Variants in CSMD1 observed in about 807,000 individuals in gnomAD.
CSMD1 encodes CUB and sushi domain-containing protein 1.
A neutral mutation model predicts 417.5 loss-of-function variants in CSMD1; 213 were observed. That is an observed-to-expected ratio of 0.51 (90% CI 0.46 to 0.57). CSMD1 has a LOEUF of 0.57. Ranked by LOEUF, CSMD1 falls within the 20% of genes least tolerant of loss-of-function variation. CSMD1 has a pLI of 0.00. For synonymous variants in CSMD1, 2,862 were observed against 1,736.8 expected, an observed-to-expected ratio of 1.65 and a Z score of -16.11; for missense variants, 6,923 against 4,529.7, an observed-to-expected ratio of 1.53 and a Z score of -15.17.
chr8:4,269,645 C>A (rs930401940), intron 3 of CSMD1, among the ~76,000 whole-genome samples: 4 of 152,118 alleles, frequency 2.6e-5, no homozygotes, highest in Non-Finnish European at 5.9e-5. Context: ...TCACACATGA[C>A]TTTATCAGGT....
In CSMD1 at chr8:4,296,696, G is replaced by GTTTTTT. The variant is rs371696159; in HGVS notation, c.415+123251_415+123256dup. On this transcript the variant is annotated intron_variant, in intron 3 of 69. Coordinates refer to ENST00000635120, the MANE Select transcript of CSMD1 (RefSeq NM_033225.6). The stretch of plus-strand genomic sequence containing the variant: ...GGTCCCTGAAAACACGAAAATAAGG[G>GTTTTTT]TTTTTTTTTTTTTTTTTTTCTCCAG... Among the ~76,000 whole-genome samples the GTTTTTT allele has an allele frequency of 3.5e-3, 401 of 114,836 alleles. 7 individuals are homozygous for GTTTTTT. The highest frequency in any genetic ancestry group is 0.014 in the South Asian group (46 of 3,226). The allele number at this position is 114,836 out of a possible 152,430, so 75.3% of individuals were successfully genotyped here.
At chr8:4,570,692 T>C (rs996736613) in intron 2 of CSMD1, among the ~76,000 whole-genome samples, 1 of 152,206 alleles carries the variant, frequency 6.6e-6, no homozygotes, top group Non-Finnish European at 1.5e-5. Flanking sequence ...CTTTTTCTAC[T>C]GTTTGGAATA....
chr8:3,303,515 C>A (rs1156680019), intron 25 of CSMD1, among the ~76,000 whole-genome samples: 1 of 152,164 alleles, frequency 6.6e-6, no homozygotes, highest in Non-Finnish European at 1.5e-5. Context: ...ACTGTGCGAG[C>A]TTATTAAAAA....
At chr8:4,896,264 T>A (rs1297413108) in intron 1 of CSMD1, among the ~76,000 whole-genome samples, 1 of 152,172 alleles carries the variant, frequency 6.6e-6, no homozygotes, top group Non-Finnish European at 1.5e-5. Flanking sequence ...CGTCTCTATA[T>A]GCTTTTCCCT....
At chr8:4,251,911 A>C (rs1803108949) in intron 3 of CSMD1, among the ~76,000 whole-genome samples, 1 of 150,846 alleles carries the variant, frequency 6.6e-6, no homozygotes, top group African/African-American at 2.4e-5. Context: ...AGGGGAGGAT[A>C]ATGTGGGAAT....
intron 3 of CSMD1, among the ~76,000 whole-genome samples, chr8:4,294,694 A>G (rs1411574975): frequency 2.0e-5 from 3 of 152,098 alleles, no homozygotes; most frequent in East Asian, 3.9e-4. Context: ...TAAGATGACC[A>G]TCTATTTTAG....
chr8:3,358,343 C>A (rs1400266418), intron 21 of CSMD1, among the ~76,000 whole-genome samples: 2 of 152,168 alleles, frequency 1.3e-5, no homozygotes, highest in East Asian at 3.8e-4. Context: ...TTGTAAGACC[C>A]AGAATATGCT....
At chr8:4,985,645 A>G (rs1193919348) in intron 1 of CSMD1, among the ~76,000 whole-genome samples, 1 of 152,210 alleles carries the variant, frequency 6.6e-6, no homozygotes, top group Non-Finnish European at 1.5e-5. Context: ...AATTCCACCT[A>G]ACAGTAACAA....
chr8:3,875,353 A>C (rs950737649), intron 5 of CSMD1, among the ~76,000 whole-genome samples: 1 of 152,210 alleles, frequency 6.6e-6, no homozygotes, highest in Admixed American at 6.5e-5. Flanking sequence ...AGATACTAAG[A>C]AGGACAGTGA....
intron 36 of CSMD1, among the ~76,000 whole-genome samples, chr8:3,181,623 C>T (rs1337749371): frequency 2.6e-5 from 4 of 152,184 alleles, no homozygotes; most frequent in Admixed American, 6.5e-5. Context: ...AGTGATCTGA[C>T]ATATCCTTCA....
At chr8:4,791,694 T>C (rs1447974797) in intron 1 of CSMD1, among the ~76,000 whole-genome samples, 2 of 152,180 alleles carry the variant, frequency 1.3e-5, no homozygotes, top group Non-Finnish European at 2.9e-5. Flanking sequence ...GGCCAGGATC[T>C]GGTACCATTG....
chr8:3,022,405 G>A (rs531242827), intron 51 of CSMD1, among the ~76,000 whole-genome samples: 2 of 143,664 alleles, frequency 1.4e-5, no homozygotes, highest in Admixed American at 7.0e-5. Context: ...CGGAATGCAC[G>A]TGCAATCCCA....
At chr8:4,764,270 T>C (rs1208509570) in intron 1 of CSMD1, among the ~76,000 whole-genome samples, 1 of 152,192 alleles carries the variant, frequency 6.6e-6, no homozygotes. Context: ...TTCTCTATAA[T>C]ATTGGGGGTA....
chr8:3,809,765 A>C (rs148849430), intron 5 of CSMD1, among the ~76,000 whole-genome samples: 1 of 152,174 alleles, frequency 6.6e-6, no homozygotes, highest in African/African-American at 2.4e-5. Flanking sequence ...AGACAACAGG[A>C]AAGTATTAGA....
chr8:3,363,388 G>A (rs554858119), intron 20 of CSMD1, among the ~76,000 whole-genome samples: 2 of 152,220 alleles, frequency 1.3e-5, no homozygotes, highest in African/African-American at 4.8e-5. Flanking sequence ...TCATGGAAAC[G>A]TTTTTCTCCT....
rs775280455 is a variant in CSMD1, at chr8:3,223,818, G to A, written c.4395C>T (p.Pro1465=). ...CAGGAGGATACGGCTGTGGGTAGTT[G>A]GGTGACAAAATAACACCTGCTGGGC... is the stretch of plus-strand genomic sequence containing the variant. The part of the protein sequence containing the change: ...LTGPAGVILS[P]NYPQPYPPGK... The change falls in exon 28 of 70, where the codon CCC becomes CCT. Residue 1465 remains proline (P), a synonymous_variant. Transcript: ENST00000635120. The A allele has an allele frequency of 5.6e-6, 9 of 1,613,708 alleles. No homozygotes were observed. In the Admixed American group the frequency reaches 6.7e-5, roughly 12 times the overall value.
chr8:4,219,751 T>C (rs1182115565), intron 3 of CSMD1, among the ~76,000 whole-genome samples: 1 of 152,152 alleles, frequency 6.6e-6, no homozygotes, highest in African/African-American at 2.4e-5. Context: ...AATGACTTCT[T>C]TTCCTGAAAA....
intron 5 of CSMD1, among the ~76,000 whole-genome samples, chr8:3,777,932 G>C (rs13439265): frequency 1.8e-4 from 20 of 110,828 alleles, no homozygotes; most frequent in Admixed American, 5.5e-4. Flanking sequence ...CTCCTTGAAG[G>C]GCAGAGTCTC....
rs948751647 is a variant in CSMD1 at position 3,714,106 on chromosome 8, G to A, written c.932-5615C>T. 3.3e-5 allele frequency among the ~76,000 whole-genome samples: 5 copies of A among 150,152 alleles called. No individual in the cohort carries two copies. The South Asian group carries it at 1.0e-3, about 32-fold the overall frequency. Reference sequence around the variant, plus strand: ...TATATAATCATGTATATATATAAATGTATAAAATATAAGTATATAACATAT... The same window carrying A: ...TATATAATCATGTATATATATAAATATATAAAATATAAGTATATAACATAT... On this transcript the variant is annotated intron_variant, in intron 6 of 69. Coordinates refer to ENST00000635120, the MANE Select transcript of CSMD1 (RefSeq NM_033225.6).
Sources: gnomAD v4.1 joint callset for allele counts (sites outside exome capture counted in the v4.1 genomes callset) on GRCh38, gnomAD v4.1.1 for gene constraint, MANE v1.5 for transcripts, NCBI Gene and HGNC (gene_info 2026-07-23, HGNC 2026-07-21) for gene names.